GPC5: variants seen among roughly 807,000 people sequenced by gnomAD.
GPC5 encodes glypican-5.
Under a neutral mutation model 53.9 loss-of-function variants are expected in GPC5, and 47 were observed. The ratio of observed to expected loss-of-function variants is 0.87; its 90% CI spans 0.69 to 1.11. The LOEUF is 1.11. Among genes scored for constraint, GPC5 ranks in the 50% most tolerant of loss-of-function variants. The pLI is 0.00. For missense variants in GPC5, 748 were observed against 713.1 expected, an observed-to-expected ratio of 1.05 and a Z score of -0.56; for synonymous variants, 286 against 263.3, an observed-to-expected ratio of 1.09 and a Z score of -0.84.
chr13:92,268,057 A>G (rs9589474), intron 7 of GPC5, among the ~76,000 whole-genome samples: 52,465 of 151,888 alleles, frequency 0.35, 9,731 homozygotes, highest in African/African-American at 0.48. Context: ...GTAATCACTC[A>G]GAAAATTATA....
Position 92,411,247 on chromosome 13 carries a change from G to A in GPC5, c.1561+266258G>A, listed in dbSNP as rs181920252. On this transcript the variant is annotated intron_variant, in intron 7 of 7. Coordinates refer to ENST00000377067, the MANE Select transcript of GPC5 (RefSeq NM_004466.6). ...ATCACGCCACTGCACTCCAGCCTGG[G>A]TGACATAGCGAGACTCTATCTCAAA... Among the ~76,000 whole-genome samples the A allele has an allele frequency of 1.1e-4, 17 of 152,218 alleles. 1 individual carries two copies. The East Asian group carries it at 3.1e-3, about 28-fold the overall frequency.
At chr13:92,362,220 C>T (rs774782213) in intron 7 of GPC5, among the ~76,000 whole-genome samples, 40 of 151,742 alleles carry the variant, frequency 2.6e-4, no homozygotes, top group Non-Finnish European at 2.6e-4. Flanking sequence ...ATCCATTTTG[C>T]AGTGTTTTCC....
chr13:91,472,554 TAAAC>T (rs1198288159), intron 2 of GPC5, among the ~76,000 whole-genome samples: 7 of 152,226 alleles, frequency 4.6e-5, no homozygotes, highest in Admixed American at 2.6e-4. Context: ...TTCCATGAAC[TAAAC>T]AAACTAGGAA....
intron 7 of GPC5, among the ~76,000 whole-genome samples, chr13:92,566,783 A>G (rs1325483197): frequency 6.6e-6 from 1 of 152,058 alleles, no homozygotes; most frequent in African/African-American, 2.4e-5. Flanking sequence ...CCAATTCCCA[A>G]TCAGAGAGGC....
chr13:91,426,737 C>T (rs1024599541), intron 1 of GPC5, among the ~76,000 whole-genome samples: 1 of 152,178 alleles, frequency 6.6e-6, no homozygotes, highest in Admixed American at 6.5e-5. Context: ...TGCTTTTATC[C>T]TAGCCATGCT....
chr13:91,649,332 G>C (rs911349899), intron 2 of GPC5, among the ~76,000 whole-genome samples: 1 of 152,046 alleles, frequency 6.6e-6, no homozygotes. Context: ...CCTCTACATT[G>C]GATATACCAC....
At chr13:91,550,158 C>A (rs1045002865) in intron 2 of GPC5, among the ~76,000 whole-genome samples, 30 of 152,126 alleles carry the variant, frequency 2.0e-4, no homozygotes, top group African/African-American at 6.5e-4. Flanking sequence ...ACATACAGCC[C>A]AATTCCAACT....
At chr13:92,132,940 CAT>C (rs1382070849) in intron 6 of GPC5, among the ~76,000 whole-genome samples, 1 of 151,948 alleles carries the variant, frequency 6.6e-6, no homozygotes, top group African/African-American at 2.4e-5. Flanking sequence ...TGGCTTGAGA[CAT>C]ATTAGAATTG....
At chr13:92,381,946 ATATC>A (rs1388306070) in intron 7 of GPC5, among the ~76,000 whole-genome samples, 5 of 121,320 alleles carry the variant, frequency 4.1e-5, no homozygotes, top group African/African-American at 1.8e-4. Flanking sequence ...ATATGAAATA[ATATC>A]TATGTATGTA....
At chr13:92,861,382 A>G (rs528171002) in intron 7 of GPC5, among the ~76,000 whole-genome samples, 1 of 152,290 alleles carries the variant, frequency 6.6e-6, no homozygotes, top group African/African-American at 2.4e-5. Flanking sequence ...GAAGGGCTGT[A>G]CCCTTGCCCA....
intron 7 of GPC5, among the ~76,000 whole-genome samples, chr13:92,669,391 C>G (rs2139202339): frequency 6.6e-6 from 1 of 152,298 alleles, no homozygotes. Context: ...CTTGTCTTGA[C>G]TTACACACCT....
intron 5 of GPC5, among the ~76,000 whole-genome samples, chr13:91,768,704 C>T (rs566580353): frequency 4.5e-4 from 68 of 152,050 alleles, no homozygotes; most frequent in African/African-American, 7.5e-4. Context: ...AGAATAAATA[C>T]GGTTAAATTA....
chr13:92,214,418 A>G (rs1053609442), intron 7 of GPC5, among the ~76,000 whole-genome samples: 3 of 152,122 alleles, frequency 2.0e-5, no homozygotes, highest in Admixed American at 6.5e-5. Flanking sequence ...TAAAAAGCCA[A>G]TTTCACCCTT....
At chr13:91,450,525 C>T (rs1162861636) in intron 2 of GPC5, among the ~76,000 whole-genome samples, 3 of 152,050 alleles carry the variant, frequency 2.0e-5, no homozygotes, top group African/African-American at 7.2e-5. Context: ...GTTAGGAAAC[C>T]TGGAATATTT....
Position 91,651,358 on chromosome 13 carries a change from G to T in GPC5, c.326-41829G>T, listed in dbSNP as rs188656328. Among the ~76,000 whole-genome samples the T allele has an allele frequency of 9.2e-5, 14 of 152,150 alleles. No individual in the cohort carries two copies. In the East Asian group the frequency reaches 2.7e-3, roughly 29 times the overall value. Reference sequence around the variant, plus strand: ...AGTTTATTAATATTACCCTTTCCTAGTCTATCTCAGATATTTCTATTGATG... The same window carrying T: ...AGTTTATTAATATTACCCTTTCCTATTCTATCTCAGATATTTCTATTGATG... On this transcript the variant is annotated intron_variant, in intron 2 of 7. Transcript: ENST00000377067.
At chr13:91,610,047 G>A (rs1001618171) in intron 2 of GPC5, among the ~76,000 whole-genome samples, 5 of 152,138 alleles carry the variant, frequency 3.3e-5, no homozygotes, top group Admixed American at 1.3e-4. Flanking sequence ...TACCATGTGT[G>A]GTGTCAGCTG....
intron 2 of GPC5, among the ~76,000 whole-genome samples, chr13:91,600,336 AGAGAGAGAGAGAGT>A (rs746155698): frequency 0.15 from 7,686 of 50,014 alleles, 235 homozygotes; most frequent in Non-Finnish European, 0.22. Context: ...AGAGAGAGAG[AGAGAGAGAGAGAGT>A]GTGTGTGTGT....
intron 7 of GPC5, among the ~76,000 whole-genome samples, chr13:92,657,494 A>C (rs33953114): frequency 0.24 from 35,900 of 151,780 alleles, 4,924 homozygotes; most frequent in South Asian, 0.39. Flanking sequence ...AAGAGGGAAA[A>C]TACCAACAAC....
At chr13:92,448,243 G>A (rs1055891124) in intron 7 of GPC5, 3 of 151,864 alleles carry the variant, frequency 2.0e-5, no homozygotes, top group Non-Finnish European at 4.4e-5. Context: ...ATTCATCTTG[G>A]TTTCATTTAT....
Sources: gnomAD v4.1 joint callset for allele counts (sites outside exome capture counted in the v4.1 genomes callset) on GRCh38, gnomAD v4.1.1 for gene constraint, MANE v1.5 for transcripts, NCBI Gene and HGNC (gene_info 2026-07-23, HGNC 2026-07-21) for gene names.